MAP3K14: variants seen among roughly 807,000 people sequenced by gnomAD.
MAP3K14 encodes the protein NF-kappa-beta-inducing kinase.
In MAP3K14, 16 loss-of-function variants were observed where a neutral mutation model predicts 99.2. The ratio of observed to expected loss-of-function variants is 0.16; its 90% CI spans 0.11 to 0.24. MAP3K14 has a LOEUF of 0.24. MAP3K14 is among the 10% of genes least tolerant of loss of function. The pLI is 1.00. For synonymous variants in MAP3K14, 462 were observed against 492.4 expected (o/e 0.94, Z 0.82); for missense variants, 784 against 1,208.7 (o/e 0.65, Z 5.21).
intron 5 of MAP3K14, among the ~76,000 whole-genome samples, chr17:45,285,729 G>A (rs2044258855): frequency 6.6e-6 from 1 of 152,170 alleles, no homozygotes; most frequent in South Asian, 2.1e-4. Context: ...GCCAATGTGT[G>A]AGGATTGCTT....
intron 1 of MAP3K14, among the ~76,000 whole-genome samples, chr17:45,313,603 G>T (rs1006414896): frequency 6.6e-6 from 1 of 152,184 alleles, no homozygotes; most frequent in Non-Finnish European, 1.5e-5. Context: ...GACTTGTTCT[G>T]TTGCTCTGGA....
chr17:45,300,382 T>G, intron 1 of MAP3K14, among the ~76,000 whole-genome samples: 1 of 152,198 alleles, frequency 6.6e-6, no homozygotes, highest in East Asian at 1.9e-4. Flanking sequence ...AACCTCAAGC[T>G]CAAAGACATC....
At chr17:45,310,458 G>C (rs2044465934) in intron 1 of MAP3K14, among the ~76,000 whole-genome samples, 1 of 152,180 alleles carries the variant, frequency 6.6e-6, no homozygotes, top group Non-Finnish European at 1.5e-5. Context: ...TTCTGGCCCA[G>C]TAAAAGGAAA....
chr17:45,279,889 C>A (rs569296789), intron 6 of MAP3K14, among the ~76,000 whole-genome samples: 1 of 152,232 alleles, frequency 6.6e-6, no homozygotes, highest in South Asian at 2.1e-4. Context: ...CTTATTTTCT[C>A]ACCTCTATCG....
chr17:45,269,354 C>A (rs933260786), intron 11 of MAP3K14, among the ~76,000 whole-genome samples: 2 of 152,052 alleles, frequency 1.3e-5, no homozygotes, highest in African/African-American at 4.8e-5. Flanking sequence ...AGTTTGAGCC[C>A]CCTCTATACA....
intron 6 of MAP3K14, among the ~76,000 whole-genome samples, chr17:45,276,915 C>T (rs1184927554): frequency 1.3e-5 from 2 of 148,790 alleles, no homozygotes; most frequent in South Asian, 2.1e-4. Context: ...CTGCAACCTC[C>T]GCCTCCTGGG....
At chr17:45,287,483 T>C (rs2044277073) in intron 3 of MAP3K14, 119 bp from the exon 4 acceptor site, 1 of 775,358 alleles carries the variant, frequency 1.3e-6, no homozygotes, top group Non-Finnish European at 2.1e-6. Context: ...TGCCATTCCT[T>C]GTGTGAATGC....
rs2044263971 is a variant in MAP3K14 at position 45,286,362 on chromosome 17, A to C, written c.1152+69T>G. On this transcript the variant is annotated intron_variant, in intron 5 of 15. Transcript: ENST00000344686. This position sits in a 1 kb window ranked among gnomAD's most constrained non-coding sequence, Gnocchi z 4.1. ...GTCACCACAGGCAAGAGTGACTCTG[A>C]TAAAGAGAGAAAAGCATCCCCCAGG... 6.8e-7 allele frequency: 1 copy of C among 1,471,678 alleles called. No homozygotes were observed. Among genetic ancestry groups the C allele is most frequent in the Non-Finnish European group, 9.0e-7 (1 of 1,105,610 alleles). The allele number at this position is 1,471,678 out of a possible 1,614,324, so 91.2% of individuals were successfully genotyped here.
intron 1 of MAP3K14, among the ~76,000 whole-genome samples, chr17:45,306,782 A>G (rs1024725746): frequency 2.0e-5 from 3 of 152,202 alleles, no homozygotes; most frequent in South Asian, 2.1e-4. Context: ...CAACCTTCAA[A>G]TCCTTTGCAC....
chr17:45,265,369 CTATGTAGGGGGAGCAGGTCTGGCTGTGA>C, intron 14 of MAP3K14, 106 bp from the exon 15 acceptor site: 1 of 744,674 alleles, frequency 1.3e-6, no homozygotes, highest in Non-Finnish European at 2.4e-6. Flanking sequence ...TCACTCTGCC[CTATGTAGGGGGAGCAGGTCTGGCTGTGA>C]TGGAGCAGCA....
At position 45,264,723 on chromosome 17, in the gene MAP3K14, G is replaced by A; in HGVS notation, c.2757C>T (p.Gly919=). 1 of 1,612,242 alleles carries A rather than the reference G, an allele frequency of 6.2e-7. No homozygotes were observed. The highest frequency in any genetic ancestry group is 8.5e-7 in the Non-Finnish European group (1 of 1,179,212). ...GGGCCAGTGTGCACTGCAGGTCGATGCCCGAGTCTGGCACCTCCATGTCGT... is the reference window on the plus strand; with the variant it reads ...GGGCCAGTGTGCACTGCAGGTCGATACCCGAGTCTGGCACCTCCATGTCGT... The part of the protein sequence containing the change: ...VRYDMEVPDS[G]IDLQCTLAPD... Residue 919 remains glycine (G), a synonymous_variant, in exon 16 of 16, where the codon GGC becomes GGT. Transcript: ENST00000344686.
chr17:45,312,934 C>T (rs943653366), intron 1 of MAP3K14, among the ~76,000 whole-genome samples: 6 of 152,180 alleles, frequency 3.9e-5, no homozygotes, highest in Non-Finnish European at 4.4e-5. Flanking sequence ...AGTATTTTCC[C>T]TTTCCTCACC....
intron 14 of MAP3K14, 126 bp downstream of exon 14, chr17:45,266,410 TG>T: frequency 7.8e-7 from 1 of 1,278,276 alleles, no homozygotes; most frequent in Non-Finnish European, 1.1e-6. Flanking sequence ...CCTCAAGTTC[TG>T]GGACCAGGCG....
In MAP3K14 at chr17:45,287,346, A is replaced by C. The variant is rs757479084; in HGVS notation, c.345T>G (p.Asp115Glu). The change falls in exon 4 of 16, where the codon GAT (aspartate) becomes GAG (glutamate). Residue 115 changes from aspartate to glutamate, a missense_variant. This residue lies in a region of MAP3K14 where 188 missense variants were observed against 313.0 expected (regional missense o/e 0.60). Transcript: ENST00000344686. ...CATGGGCCACATTGTTGGGGATCTG[A>C]TCAAGACTCTCGGACTGGCTGTCAC... ...SKQYSQSESL[D>E]QIPNNVAHAT... 7.4e-6 allele frequency: 12 copies of C among 1,613,944 alleles called. No individual in the cohort carries two copies. In the East Asian group the frequency reaches 2.7e-4, roughly 36 times the overall value.
chr17:45,303,795 G>A (rs1421069458), intron 1 of MAP3K14, among the ~76,000 whole-genome samples: 2 of 150,928 alleles, frequency 1.3e-5, no homozygotes, highest in Admixed American at 1.3e-4. Flanking sequence ...TGTTAGCTAG[G>A]ATGGTCTTGA....
At chr17:45,265,335 CT>C (rs2044069057) in intron 14 of MAP3K14, 72 bp from the exon 15 acceptor site, 2 of 998,228 alleles carry the variant, frequency 2.0e-6, no homozygotes, top group Admixed American at 3.4e-5. Context: ...CTGGCAGGGG[CT>C]GGGGGAACGT....
chr17:45,289,754 T>C (rs1440584148), intron 2 of MAP3K14, among the ~76,000 whole-genome samples: 1 of 152,202 alleles, frequency 6.6e-6, no homozygotes, highest in Non-Finnish European at 1.5e-5. Flanking sequence ...TATTCTCTCA[T>C]CTCTCCTCAA....
chr17:45,275,565 C>A (rs371611004), intron 6 of MAP3K14, among the ~76,000 whole-genome samples: 2 of 151,720 alleles, frequency 1.3e-5, no homozygotes, highest in African/African-American at 4.8e-5. Context: ...TGGCTGCTGG[C>A]ACGCTGTCCG....
At chr17:45,283,408 C>T (rs1401136733) in intron 6 of MAP3K14, among the ~76,000 whole-genome samples, 1 of 152,186 alleles carries the variant, frequency 6.6e-6, no homozygotes, top group Non-Finnish European at 1.5e-5. Flanking sequence ...GTGGTGAGGG[C>T]GGAGTTTTCG....
Sources: allele counts gnomAD v4.1 joint callset (sites outside exome capture counted in the v4.1 genomes callset), GRCh38; gene constraint gnomAD v4.1.1; regional missense constraint gnomAD v4.1.1; non-coding constraint Gnocchi (gnomAD v3.1); transcripts MANE v1.5; gene names NCBI Gene and HGNC (gene_info 2026-07-23, HGNC 2026-07-21).